Variants in TBCD observed in about 807,000 individuals in gnomAD.
The protein encoded by TBCD is tubulin-specific chaperone D.
In TBCD, 105 loss-of-function variants were observed where a neutral mutation model predicts 169.3. The observed-to-expected ratio is 0.62, with a 90% CI of 0.53 to 0.73. The LOEUF is 0.73. Among genes scored for constraint, TBCD ranks in the 30% least tolerant of loss-of-function variants. The pLI is 0.00. For missense variants in TBCD, 1,444 were observed against 1,600.1 expected (o/e 0.90, Z 1.66); for synonymous variants, 700 against 643.9 (o/e 1.09, Z -1.32).
chr17:82,876,365 G>A (rs1024090549), intron 14 of TBCD, among the ~76,000 whole-genome samples: 18 of 152,290 alleles, frequency 1.2e-4, no homozygotes, highest in African/African-American at 3.9e-4. Flanking sequence ...CCCTTCTCGC[G>A]GCCTCGCAGT....
rs572803907 is a variant in TBCD at position 82,925,720 on chromosome 17, G to A, written c.2379+663G>A. Among the ~76,000 whole-genome samples, 4 of 152,338 alleles carry A rather than the reference G, an allele frequency of 2.6e-5. No homozygotes were observed. In the South Asian group the frequency reaches 8.3e-4, roughly 32 times the overall value. On this transcript the variant is annotated intron_variant, in intron 27 of 38. Coordinates refer to ENST00000355528, the MANE Select transcript of TBCD (RefSeq NM_005993.5). ...CCGCCATGCCATCTAAAACTCGCAT[G>A]TGGGGGTTTATCCAGTTGAAACACA...
chr17:82,898,436 C>T (rs1039764088), intron 17 of TBCD, among the ~76,000 whole-genome samples: 4 of 152,200 alleles, frequency 2.6e-5, no homozygotes, highest in Admixed American at 6.5e-5. Flanking sequence ...GGGCTTGGGC[C>T]GTTGGACAGC....
intron 7 of TBCD, chr17:82,795,499 T>C: frequency 1.0e-6 from 1 of 984,096 alleles, no homozygotes; most frequent in Non-Finnish European, 1.2e-6. Flanking sequence ...GTCTTCGTTG[T>C]TGAGCACTTC....
At position 82,769,149 on chromosome 17, in the gene TBCD, G is replaced by A. The variant is rs113299378; in HGVS notation, c.582+583G>A. Among the ~76,000 whole-genome samples the A allele has an allele frequency of 8.9e-4, 136 of 152,290 alleles. 2 individuals are homozygous for A. The Middle Eastern group carries it at 0.01, about 11-fold the overall frequency. On this transcript the variant is annotated intron_variant, in intron 5 of 38. Coordinates refer to ENST00000355528, the MANE Select transcript of TBCD (RefSeq NM_005993.5). The stretch of plus-strand genomic sequence containing the variant: ...CGGGAGTCTGGCATGGCTGAGCTGG[G>A]TCCTTTGTGTCAAGCTTGCCCACAG...
At chr17:82,849,297 C>T (rs1312671611) in intron 13 of TBCD, among the ~76,000 whole-genome samples, 2 of 149,976 alleles carry the variant, frequency 1.3e-5, no homozygotes, top group South Asian at 2.1e-4. Context: ...GCGTCTTCTC[C>T]ACCTCGATGT....
At chr17:82,774,617 C>A (rs2048475502) in intron 6 of TBCD, among the ~76,000 whole-genome samples, 1 of 152,134 alleles carries the variant, frequency 6.6e-6, no homozygotes, top group South Asian at 2.1e-4. Flanking sequence ...ACTTCCCAGA[C>A]TTGGCGGCCG....
intron 1 of TBCD, among the ~76,000 whole-genome samples, chr17:82,755,896 C>G (rs957570861): frequency 6.6e-6 from 1 of 152,048 alleles, no homozygotes; most frequent in Non-Finnish European, 1.5e-5. Context: ...GGAAGAGTAT[C>G]GAGGCAGTGG....
At chr17:82,917,870 C>G (rs796099942) in intron 23 of TBCD, among the ~76,000 whole-genome samples, 1 of 152,124 alleles carries the variant, frequency 6.6e-6, no homozygotes, top group Admixed American at 6.5e-5. Flanking sequence ...AGCCGTGAGC[C>G]GGGGAGAGTT....
At chr17:82,842,296 G>A (rs1055432706) in intron 13 of TBCD, among the ~76,000 whole-genome samples, 1 of 152,210 alleles carries the variant, frequency 6.6e-6, no homozygotes, top group Non-Finnish European at 1.5e-5. Flanking sequence ...GAGCTGAGAC[G>A]GCAGGGAGGG....
Position 82,890,703 on chromosome 17 carries a change from C to T in TBCD, c.1563+1006C>T, listed in dbSNP as rs538152543. Among the ~76,000 whole-genome samples the T allele has an allele frequency of 1.2e-3, 181 of 152,260 alleles. No homozygotes were observed. Among genetic ancestry groups the T allele is most frequent in the Non-Finnish European group, 1.7e-3 (117 of 68,004 alleles). On this transcript the variant is annotated intron_variant, in intron 16 of 38. Coordinates refer to ENST00000355528, the MANE Select transcript of TBCD (RefSeq NM_005993.5). This position sits in a 1 kb window ranked among gnomAD's most constrained non-coding sequence, Gnocchi z 5.3. ...CTACTTCTTGCTGGCCCGAGGCAGC[C>T]GAGGCCCACCCAGCATCCTTGGGGT...
At position 82,815,168 on chromosome 17, in the gene TBCD, C is replaced by T. The variant is rs539168867; in HGVS notation, c.1318+234C>T. Among the ~76,000 whole-genome samples, 36 of 152,328 alleles carry T rather than the reference C, an allele frequency of 2.4e-4. 1 individual carries two copies. In the South Asian group the frequency reaches 3.9e-3, roughly 17 times the overall value. On this transcript the variant is annotated intron_variant, in intron 13 of 38. Coordinates refer to ENST00000355528, the MANE Select transcript of TBCD (RefSeq NM_005993.5). ...GAACAAGGTCTGTCTACCTTTTTCT[C>T]GCATTGGCCTTTGTAATTTCCTAAT...
intron 4 of TBCD, among the ~76,000 whole-genome samples, chr17:82,767,223 G>A (rs997738528): frequency 1.3e-5 from 2 of 152,150 alleles, no homozygotes; most frequent in Non-Finnish European, 2.9e-5. Context: ...AGGAGCACAC[G>A]GTTTATAACC....
chr17:82,793,270 G>C (rs182772089), intron 7 of TBCD, among the ~76,000 whole-genome samples: 3 of 152,052 alleles, frequency 2.0e-5, no homozygotes, highest in Admixed American at 1.3e-4. Flanking sequence ...CATTTTGCTC[G>C]CTCCTGGGGG....
intron 22 of TBCD, among the ~76,000 whole-genome samples, chr17:82,910,714 C>A (rs2060576376): frequency 6.6e-6 from 1 of 152,116 alleles, no homozygotes; most frequent in Admixed American, 6.6e-5. Context: ...TACAGGTGCC[C>A]CCCATCATGC....
intron 13 of TBCD, chr17:82,858,587 T>G (rs767180572): frequency 3.0e-6 from 3 of 985,470 alleles, no homozygotes; most frequent in Non-Finnish European, 3.6e-6. Flanking sequence ...TTGATGACAG[T>G]GCTGTGTGGA....
intron 7 of TBCD, among the ~76,000 whole-genome samples, chr17:82,790,618 C>G (rs534484688): frequency 1.3e-5 from 2 of 152,220 alleles, no homozygotes; most frequent in African/African-American, 4.8e-5. Flanking sequence ...GTGGCCAGCC[C>G]GTGGGACCCC....
At chr17:82,869,982 G>T (rs1334759946) in intron 13 of TBCD, among the ~76,000 whole-genome samples, 1 of 152,114 alleles carries the variant, frequency 6.6e-6, no homozygotes, top group Non-Finnish European at 1.5e-5. Context: ...CATGGCACTT[G>T]AAAAAAATCC....
chr17:82,831,733 T>A lies in TBCD; in HGVS notation c.1318+16799T>A. 6.2e-7 allele frequency: 1 copy of A among 1,614,136 alleles called. No homozygotes were observed. The highest frequency in any genetic ancestry group is 8.5e-7 in the Non-Finnish European group (1 of 1,180,022). ...CTCTGTGTAAAAGTGAGGCGGGTAC[T>A]CTGGGATTGTGGGGTGCATGTAAGG... On this transcript the variant is annotated intron_variant, in intron 13 of 38. Transcript: ENST00000355528. This position sits in a 1 kb window ranked among gnomAD's most constrained non-coding sequence, Gnocchi z 4.6.
chr17:82,892,140 C>G (rs1275196957), intron 16 of TBCD, among the ~76,000 whole-genome samples: 1 of 152,058 alleles, frequency 6.6e-6, no homozygotes, highest in Non-Finnish European at 1.5e-5. Flanking sequence ...AGCCTTGGCC[C>G]CTGTGTTGGT....
Sources: gnomAD v4.1 joint callset for allele counts (sites outside exome capture counted in the v4.1 genomes callset) on GRCh38, gnomAD v4.1.1 for gene constraint, Gnocchi (gnomAD v3.1) non-coding constraint, MANE v1.5 for transcripts, NCBI Gene and HGNC (gene_info 2026-07-23, HGNC 2026-07-21) for gene names.